The following RNF38 variants were observed in gnomAD, a reference collection of about 807,000 sequenced individuals.
The protein encoded by RNF38 is E3 ubiquitin-protein ligase RNF38.
A neutral mutation model predicts 67.2 loss-of-function variants in RNF38; 15 were observed. The ratio of observed to expected loss-of-function variants is 0.22; its 90% CI spans 0.15 to 0.34. The LOEUF (loss-of-function observed/expected upper bound fraction) is 0.34. Ranked by LOEUF, RNF38 falls within the 10% of genes least tolerant of loss-of-function variation. RNF38 has a pLI of 1.00. For missense variants in RNF38, 524 were observed against 639.9 expected, an observed-to-expected ratio of 0.82 and a Z score of 1.95; for synonymous variants, 220 against 218.8, an observed-to-expected ratio of 1.01 and a Z score of -0.05.
intron 3 of RNF38, among the ~76,000 whole-genome samples, chr9:36,371,170 T>C (rs1017525663): frequency 6.6e-6 from 1 of 151,936 alleles, no homozygotes; most frequent in Non-Finnish European, 1.5e-5. Flanking sequence ...TTTTAGCAAC[T>C]TTCTTTATGG....
chr9:36,447,287 A>G (rs1039483005), intron 1 of RNF38, among the ~76,000 whole-genome samples: 1 of 152,274 alleles, frequency 6.6e-6, no homozygotes, highest in East Asian at 1.9e-4. Flanking sequence ...AATACATCAC[A>G]CTGTTTTGCT....
At chr9:36,346,346 TA>T (rs1833238061) in intron 9 of RNF38, among the ~76,000 whole-genome samples, 1 of 152,106 alleles carries the variant, frequency 6.6e-6, no homozygotes, top group East Asian at 1.9e-4. Flanking sequence ...GCTGCCCAGC[TA>T]ATTTTTTGTA....
chr9:36,394,071 T>G (rs1290109847), intron 1 of RNF38, among the ~76,000 whole-genome samples: 1 of 152,124 alleles, frequency 6.6e-6, no homozygotes, highest in East Asian at 1.9e-4. Context: ...GGTCAAGAGA[T>G]AGAGACCAAC....
chr9:36,380,517 C>T (rs1836135967), intron 2 of RNF38, among the ~76,000 whole-genome samples: 1 of 149,370 alleles, frequency 6.7e-6, no homozygotes, highest in Admixed American at 6.7e-5. Context: ...TTTTTAAAGA[C>T]AGTCTCACTC....
chr9:36,480,234 C>T (rs1232476628), intron 1 of RNF38, among the ~76,000 whole-genome samples: 1 of 152,120 alleles, frequency 6.6e-6, no homozygotes, highest in Non-Finnish European at 1.5e-5. Flanking sequence ...CTACCTCAGC[C>T]TCCCAAAGTG....
intron 1 of RNF38, among the ~76,000 whole-genome samples, chr9:36,427,413 T>C (rs1328498217): frequency 1.3e-5 from 2 of 152,190 alleles, no homozygotes; most frequent in Non-Finnish European, 2.9e-5. Context: ...GCCCTTGTTA[T>C]CAAAATTCCT....
In RNF38 at chr9:36,390,514, G is replaced by C. The variant is rs1256908933; in HGVS notation, c.115C>G (p.Gln39Glu). ...GCATCCTCTTGAACGGTAGTGTTCT[G>C]ATCACTTGGGAGGAGAGGGAACAGG... The part of the protein sequence containing the change: ...QSLFPLLPSD[Q>E]NTTVQEDAHF... Residue 39 changes from glutamine (Q) to glutamate (E), a missense_variant, in exon 2 of 12, where the codon CAG (glutamine) becomes GAG (glutamate). Coordinates refer to ENST00000259605, the MANE Select transcript of RNF38 (RefSeq NM_022781.5). 6.2e-7 allele frequency: 1 copy of C among 1,614,072 alleles called. No individual in the cohort carries two copies. Among genetic ancestry groups the C allele is most frequent in the Non-Finnish European group, 8.5e-7 (1 of 1,179,978 alleles).
chr9:36,401,082 C>G (rs1838002188), upstream of RNF38: 3 of 985,142 alleles, frequency 3.0e-6, no homozygotes, highest in Non-Finnish European at 3.6e-6. Flanking sequence ...CACCCCGTCC[C>G]CTCGCCAGCA....
At chr9:36,475,086 C>T (rs1840092144) in intron 1 of RNF38, among the ~76,000 whole-genome samples, 1 of 143,684 alleles carries the variant, frequency 7.0e-6, no homozygotes, top group South Asian at 2.3e-4. Context: ...GTGGAGGTTG[C>T]AGTGAGCAGA....
chr9:36,476,450 C>T (rs1359820822), intron 1 of RNF38, among the ~76,000 whole-genome samples: 2 of 151,182 alleles, frequency 1.3e-5, no homozygotes, highest in African/African-American at 4.9e-5. Flanking sequence ...TAAAATGTAG[C>T]TGTCAAATTG....
chr9:36,476,748 G>A (rs1220186356), intron 1 of RNF38, among the ~76,000 whole-genome samples: 3 of 151,584 alleles, frequency 2.0e-5, no homozygotes, highest in Middle Eastern at 3.4e-3. Flanking sequence ...GGCTGGTCTC[G>A]AACTCCTGAC....
chr9:36,461,051 T>TA (rs1192816272), intron 1 of RNF38, among the ~76,000 whole-genome samples: 1 of 151,908 alleles, frequency 6.6e-6, no homozygotes, highest in African/African-American at 2.4e-5. Context: ...CCGTATCTAC[T>TA]AAAAAATACA....
chr9:36,470,432 T>C (rs945364916), intron 1 of RNF38, among the ~76,000 whole-genome samples: 23 of 152,278 alleles, frequency 1.5e-4, no homozygotes, highest in Middle Eastern at 3.4e-3. Context: ...TCTTTGAATA[T>C]GAATCTATCA....
intron 1 of RNF38, among the ~76,000 whole-genome samples, chr9:36,474,083 G>A (rs1840066572): frequency 6.6e-6 from 1 of 151,802 alleles, no homozygotes. Flanking sequence ...GGAGGCCAAG[G>A]CGGGCGGATC....
chr9:36,452,354 C>A (rs1022339942), intron 1 of RNF38, among the ~76,000 whole-genome samples: 1 of 152,078 alleles, frequency 6.6e-6, no homozygotes, highest in African/African-American at 2.4e-5. Context: ...AGTCAGCTCT[C>A]CCCCATTCTC....
intron 3 of RNF38, among the ~76,000 whole-genome samples, chr9:36,371,525 C>G (rs891444143): frequency 1.3e-5 from 2 of 150,558 alleles, no homozygotes; most frequent in African/African-American, 4.9e-5. Flanking sequence ...CGGCTCACTG[C>G]GACCTCTGCC....
At chr9:36,480,154 T>C (rs1255185168) in intron 1 of RNF38, among the ~76,000 whole-genome samples, 1 of 151,996 alleles carries the variant, frequency 6.6e-6, no homozygotes, top group Non-Finnish European at 1.5e-5. Context: ...AAGTTTTGTA[T>C]TTTTAGTAGA....
intron 9 of RNF38, 79 bp from the exon 10 acceptor site, chr9:36,345,032 G>C: frequency 2.8e-6 from 4 of 1,452,502 alleles, no homozygotes; most frequent in Non-Finnish European, 3.7e-6. Context: ...AAGAGATGGA[G>C]TCCTGCTATG....
At chr9:36,397,655 A>G (rs554549281) in intron 1 of RNF38, among the ~76,000 whole-genome samples, 1 of 152,330 alleles carries the variant, frequency 6.6e-6, no homozygotes, top group South Asian at 2.1e-4. Flanking sequence ...CCACAATCCC[A>G]TAAGGTGATG....
Sources: gnomAD v4.1 joint callset for allele counts (sites outside exome capture counted in the v4.1 genomes callset) on GRCh38, gnomAD v4.1.1 for gene constraint, MANE v1.5 for transcripts, NCBI Gene and HGNC (gene_info 2026-07-23, HGNC 2026-07-21) for gene names.